Variants in RALGPS2 observed in about 807,000 individuals in gnomAD.
RALGPS2 encodes ras-specific guanine nucleotide-releasing factor RalGPS2.
Under a neutral mutation model 86.8 loss-of-function variants are expected in RALGPS2, and 43 were observed. The observed-to-expected ratio is 0.50, with a 90% CI of 0.39 to 0.64. The LOEUF (loss-of-function observed/expected upper bound fraction) is 0.64, where lower values mean the gene tolerates loss of function less well. RALGPS2 is among the 30% of genes least tolerant of loss of function. The pLI is 0.00. For missense variants in RALGPS2, 536 were observed against 694.6 expected, an observed-to-expected ratio of 0.77 and a Z score of 2.57; for synonymous variants, 243 against 231.3, an observed-to-expected ratio of 1.05 and a Z score of -0.46.
intron 1 of RALGPS2, chr1:178,747,164 A>C (rs985488139): frequency 2.0e-6 from 2 of 1,016,408 alleles, no homozygotes; most frequent in Admixed American, 1.7e-5. Flanking sequence ...AGTGTCTACC[A>C]GAGAGAAGGT....
intron 1 of RALGPS2, among the ~76,000 whole-genome samples, chr1:178,746,070 C>T (rs891760112): frequency 5.3e-5 from 8 of 152,000 alleles, no homozygotes; most frequent in Non-Finnish European, 1.2e-4. Context: ...GATCCACCCA[C>T]CTCAGACTCC....
Position 178,733,446 on chromosome 1 carries a change from A to G in RALGPS2, c.-84+8027A>G, listed in dbSNP as rs950327406. On this transcript the variant is annotated intron_variant, in intron 1 of 19. Transcript: ENST00000367635. ...CAGGTATTCAGAAAATGAATTGTTCAGATGGCCAAGGTTAAAAAGTACTGA... is the reference window on the plus strand; with the variant it reads ...CAGGTATTCAGAAAATGAATTGTTCGGATGGCCAAGGTTAAAAAGTACTGA... 3.3e-5 allele frequency among the ~76,000 whole-genome samples: 5 copies of G among 152,374 alleles called. No individual in the cohort carries two copies. The South Asian group carries it at 6.2e-4, about 19-fold the overall frequency.
chr1:178,906,919 A>G (rs116065010), intron 19 of RALGPS2, 52 bp downstream of exon 19: 53,158 of 1,521,006 alleles, frequency 0.035, 1,356 homozygotes, highest in African/African-American at 0.13. Flanking sequence ...GAACATATGT[A>G]AAAGAGTTCC....
At chr1:178,776,918 T>A in intron 2 of RALGPS2, 97 bp downstream of exon 2, 1 of 917,556 alleles carries the variant, frequency 1.1e-6, no homozygotes, top group Non-Finnish European at 1.7e-6. Flanking sequence ...AGAAGTGCAT[T>A]TAGTGCAGAA....
chr1:178,855,807 ATCTTT>A (rs1657495377), intron 8 of RALGPS2, among the ~76,000 whole-genome samples: 1 of 151,644 alleles, frequency 6.6e-6, no homozygotes, highest in Non-Finnish European at 1.5e-5. Flanking sequence ...GGCTTTTAAA[ATCTTT>A]TCTTTTTTAA....
intron 1 of RALGPS2, among the ~76,000 whole-genome samples, chr1:178,761,327 G>A (rs1041695350): frequency 7.2e-5 from 11 of 151,834 alleles, no homozygotes; most frequent in Non-Finnish European, 1.5e-4. Context: ...TATTCGGGAG[G>A]CTGAGGCAGG....
intron 7 of RALGPS2, among the ~76,000 whole-genome samples, chr1:178,822,247 G>A (rs1191188793): frequency 6.6e-6 from 1 of 152,090 alleles, no homozygotes; most frequent in Admixed American, 6.5e-5. Context: ...TATGAGATCA[G>A]AGTATGAATT....
intron 4 of RALGPS2, among the ~76,000 whole-genome samples, chr1:178,802,022 A>G (rs1484221592): frequency 3.3e-5 from 5 of 152,288 alleles, no homozygotes; most frequent in Admixed American, 1.3e-4. Context: ...ATCTCATACA[A>G]CAATAATCAG....
chr1:178,798,292 C>T (rs1026417293), intron 4 of RALGPS2, among the ~76,000 whole-genome samples: 3 of 152,164 alleles, frequency 2.0e-5, no homozygotes, highest in African/African-American at 7.2e-5. Flanking sequence ...AACCACCTCG[C>T]GTTGCTATTA....
At chr1:178,873,703 GTC>G (rs1658870741) in intron 8 of RALGPS2, among the ~76,000 whole-genome samples, 2 of 152,150 alleles carry the variant, frequency 1.3e-5, no homozygotes, top group Non-Finnish European at 2.9e-5. Context: ...TAACTCAAAA[GTC>G]TATCAAATAA....
intron 8 of RALGPS2, among the ~76,000 whole-genome samples, chr1:178,854,236 T>C: frequency 6.6e-6 from 1 of 152,162 alleles, no homozygotes; most frequent in South Asian, 2.1e-4. Context: ...ATAAAAATGC[T>C]GAGGGATCGA....
At chr1:178,910,816 G>A (rs920714185) in intron 19 of RALGPS2, among the ~76,000 whole-genome samples, 1 of 152,094 alleles carries the variant, frequency 6.6e-6, no homozygotes, top group Non-Finnish European at 1.5e-5. Flanking sequence ...CGATTTTTCG[G>A]AATATTTTCA....
intron 1 of RALGPS2, among the ~76,000 whole-genome samples, chr1:178,772,833 T>A (rs1053928157): frequency 6.6e-6 from 1 of 152,220 alleles, no homozygotes; most frequent in African/African-American, 2.4e-5. Flanking sequence ...AGGCGGAGTC[T>A]CGCTGTCTCC....
In RALGPS2 at chr1:178,918,260, G is replaced by A. The variant is rs759925408; in HGVS notation, c.*1901G>A. The A allele has an allele frequency of 6.6e-5, 10 of 152,080 alleles. No homozygotes were observed. The highest frequency in any genetic ancestry group is 7.2e-5 in the African/African-American group (3 of 41,436). The allele number at this position is 152,080 out of a possible 1,614,324, so 9.4% of individuals were successfully genotyped here. On this transcript the variant is annotated 3_prime_UTR_variant, in exon 20 of 20. Transcript: ENST00000367635. ...AAGACATAGCCAGCAGTATTACTAC[G>A]TAGACCTTGCACATCTTACTTTTGT... is the stretch of plus-strand genomic sequence containing the variant.
intron 1 of RALGPS2, among the ~76,000 whole-genome samples, chr1:178,770,838 G>GTT (rs1276426119): frequency 2.5e-4 from 27 of 109,542 alleles, no homozygotes; most frequent in African/African-American, 5.0e-4. Flanking sequence ...TGTTGTTGTT[G>GTT]TTTTTTTTTT....
intron 6 of RALGPS2, among the ~76,000 whole-genome samples, chr1:178,812,711 C>T (rs1202087673): frequency 6.6e-6 from 1 of 152,128 alleles, no homozygotes; most frequent in Non-Finnish European, 1.5e-5. Context: ...TAACTTTCCT[C>T]ACATGTGAAT....
chr1:178,834,370 T>C (rs992795787), intron 8 of RALGPS2, among the ~76,000 whole-genome samples: 5 of 152,178 alleles, frequency 3.3e-5, no homozygotes, highest in African/African-American at 9.7e-5. Flanking sequence ...AATTTCAAGA[T>C]AGCTATTTCT....
At chr1:178,865,735 T>A in intron 8 of RALGPS2, 1 of 1,612,794 alleles carries the variant, frequency 6.2e-7, no homozygotes, top group Non-Finnish European at 8.5e-7. Flanking sequence ...TGTCCACTAG[T>A]AGGAAGAATA....
rs891475387 is a variant in RALGPS2, at chr1:178,821,793, A to G, written c.480+89A>G. On this transcript the variant is annotated intron_variant, in intron 7 of 19. Transcript: ENST00000367635. The stretch of plus-strand genomic sequence containing the variant: ...TTCCTTTGTAATTCTTATTAAAGTT[A>G]ATATAATGATAATCAATAAGGATTT... 4 of 1,002,270 alleles carry G rather than the reference A, an allele frequency of 4.0e-6. No homozygotes were observed. The African/African-American group carries it at 5.0e-5, about 12-fold the overall frequency. The allele number at this position is 1,002,270 out of a possible 1,614,324, so 62.1% of individuals were successfully genotyped here.
Sources: gnomAD v4.1 joint callset for allele counts (sites outside exome capture counted in the v4.1 genomes callset) on GRCh38, gnomAD v4.1.1 for gene constraint, MANE v1.5 for transcripts, NCBI Gene and HGNC (gene_info 2026-07-23, HGNC 2026-07-21) for gene names.